The following GRIK4 variants were observed in gnomAD, a reference collection of about 807,000 sequenced individuals.
GRIK4 encodes glutamate ionotropic receptor kainate type subunit 4.
GRIK4 carries 40 observed loss-of-function variants against 104.9 expected under a neutral mutation model. The ratio of observed to expected loss-of-function variants is 0.38; its 90% CI spans 0.30 to 0.50. The LOEUF is 0.50. Ranked by LOEUF, GRIK4 falls within the 20% of genes least tolerant of loss-of-function variation. The pLI is 0.93. For missense variants in GRIK4, 1,047 were observed against 1,308.1 expected, an observed-to-expected ratio of 0.80 and a Z score of 3.08; for synonymous variants, 485 against 524.9, an observed-to-expected ratio of 0.92 and a Z score of 1.04.
intron 8 of GRIK4, among the ~76,000 whole-genome samples, chr11:120,849,024 A>T (rs1015840558): frequency 6.6e-6 from 1 of 152,064 alleles, no homozygotes; most frequent in Non-Finnish European, 1.5e-5. Flanking sequence ...TTATCAGACA[A>T]CCCCTTTGCT....
intron 1 of GRIK4, among the ~76,000 whole-genome samples, chr11:120,534,783 C>T (rs528876472): frequency 6.6e-6 from 1 of 152,242 alleles, no homozygotes; most frequent in Admixed American, 6.5e-5. Flanking sequence ...ATGGCCTCTG[C>T]AGCCCAGCTG....
At chr11:120,651,772 C>A (rs1169216280) in intron 1 of GRIK4, among the ~76,000 whole-genome samples, 1 of 152,226 alleles carries the variant, frequency 6.6e-6, no homozygotes, top group Non-Finnish European at 1.5e-5. Context: ...GCCAGGGACA[C>A]CTGGGCTGAT....
chr11:120,723,425 GAC>G (rs1490028457), intron 3 of GRIK4, among the ~76,000 whole-genome samples: 2 of 152,154 alleles, frequency 1.3e-5, no homozygotes, highest in African/African-American at 4.8e-5. Context: ...CTGTGAGGGT[GAC>G]AAGCAACACC....
intron 3 of GRIK4, among the ~76,000 whole-genome samples, chr11:120,717,149 T>A (rs1255301097): frequency 6.6e-6 from 1 of 152,206 alleles, no homozygotes; most frequent in Non-Finnish European, 1.5e-5. Context: ...CCAGGTGCCC[T>A]GTGCTCATCG....
chr11:120,747,820 A>G (rs912199303), intron 3 of GRIK4, among the ~76,000 whole-genome samples: 1 of 152,222 alleles, frequency 6.6e-6, no homozygotes, highest in Admixed American at 6.5e-5. Context: ...CTGGCACAAA[A>G]TCTTTGCGTG....
chr11:120,797,788 G>T (rs1321137432), intron 3 of GRIK4, among the ~76,000 whole-genome samples: 1 of 152,230 alleles, frequency 6.6e-6, no homozygotes, highest in Non-Finnish European at 1.5e-5. Flanking sequence ...TTCTGCATTA[G>T]ATGCTGTGGG....
intron 3 of GRIK4, among the ~76,000 whole-genome samples, chr11:120,724,858 C>T: frequency 6.6e-6 from 1 of 152,108 alleles, no homozygotes; most frequent in Admixed American, 6.6e-5. Context: ...TCACTCTTGC[C>T]AACTTGGTTT....
intron 3 of GRIK4, among the ~76,000 whole-genome samples, chr11:120,704,729 T>G (rs917041946): frequency 4.0e-5 from 6 of 151,380 alleles, no homozygotes; most frequent in African/African-American, 1.2e-4. Context: ...AACATAACTC[T>G]GCAAACTTTT....
intron 3 of GRIK4, among the ~76,000 whole-genome samples, chr11:120,696,521 T>TG (rs1057296157): frequency 2.5e-4 from 14 of 57,072 alleles, no homozygotes; most frequent in Admixed American, 1.4e-3. Context: ...AGCTTAAATC[T>TG]GGGGGGGCCC....
rs546150549 is a variant in GRIK4, at chr11:120,955,915, G to A, written c.1701-865G>A. 1.6e-3 allele frequency among the ~76,000 whole-genome samples: 239 copies of A among 151,922 alleles called. 1 individual carries two copies. Among genetic ancestry groups the A allele is most frequent in the Non-Finnish European group, 2.7e-3 (185 of 67,964 alleles). On this transcript the variant is annotated intron_variant, in intron 15 of 20. Coordinates refer to ENST00000527524, the MANE Select transcript of GRIK4 (RefSeq NM_014619.5). ...TGGCTCTCAGTATGGACACTGGCCC[G>A]GTGGCACCAGCATCATCTGGAAACT...
intron 3 of GRIK4, among the ~76,000 whole-genome samples, chr11:120,693,591 A>G (rs1461087266): frequency 6.6e-6 from 1 of 152,232 alleles, no homozygotes; most frequent in African/African-American, 2.4e-5. Context: ...TCCTGGGTAT[A>G]GAGAGGTAGA....
chr11:120,692,475 G>A (rs760892459), intron 3 of GRIK4, among the ~76,000 whole-genome samples: 19 of 152,174 alleles, frequency 1.2e-4, no homozygotes, highest in African/African-American at 2.4e-5. Context: ...TGACCATGGC[G>A]GGGATAGAGA....
intron 14 of GRIK4, among the ~76,000 whole-genome samples, chr11:120,945,879 G>T (rs1029379205): frequency 6.6e-6 from 1 of 152,198 alleles, no homozygotes; most frequent in African/African-American, 2.4e-5. Context: ...GGGCTTCTAG[G>T]CTATATATAG....
chr11:120,655,751 CAG>C (rs1247291025), intron 2 of GRIK4, among the ~76,000 whole-genome samples: 1 of 152,150 alleles, frequency 6.6e-6, no homozygotes, highest in Non-Finnish European at 1.5e-5. Context: ...GGTGTGGGAA[CAG>C]AGAAATCTAG....
At chr11:120,749,543 A>T (rs1166721230) in intron 3 of GRIK4, among the ~76,000 whole-genome samples, 1 of 152,194 alleles carries the variant, frequency 6.6e-6, no homozygotes. Context: ...GCAGGAAGAG[A>T]AGGTGCAAGA....
intron 3 of GRIK4, among the ~76,000 whole-genome samples, chr11:120,763,266 G>T (rs772779800): frequency 6.6e-6 from 1 of 152,030 alleles, no homozygotes; most frequent in Non-Finnish European, 1.5e-5. Context: ...ATGGTAGTTC[G>T]TATTCTTTGG....
At chr11:120,717,433 T>C (rs529329317) in intron 3 of GRIK4, among the ~76,000 whole-genome samples, 62 of 152,238 alleles carry the variant, frequency 4.1e-4, no homozygotes, top group African/African-American at 1.5e-3. Flanking sequence ...ATGCCCAGGA[T>C]CTGGCAGTGC....
chr11:120,926,275 G>T (rs1481217030), intron 13 of GRIK4, among the ~76,000 whole-genome samples: 1 of 152,074 alleles, frequency 6.6e-6, no homozygotes, highest in Non-Finnish European at 1.5e-5. Flanking sequence ...TTAATCATGG[G>T]ATTTCTTTTC....
chr11:120,589,237 C>T (rs1214419623), intron 1 of GRIK4, among the ~76,000 whole-genome samples: 1 of 152,158 alleles, frequency 6.6e-6, no homozygotes, highest in Admixed American at 6.5e-5. Flanking sequence ...CTCATGCTCA[C>T]ACTGCTGGTC....
Sources: allele counts gnomAD v4.1 joint callset (sites outside exome capture counted in the v4.1 genomes callset), GRCh38; gene constraint gnomAD v4.1.1; transcripts MANE v1.5; gene names NCBI Gene and HGNC (gene_info 2026-07-23, HGNC 2026-07-21).